Variants in PCDH15 observed in about 807,000 individuals in gnomAD.
PCDH15 encodes the protein protocadherin related 15.
A neutral mutation model predicts 178.5 loss-of-function variants in PCDH15; 129 were observed. The ratio of observed to expected loss-of-function variants is 0.72; its 90% confidence interval spans 0.63 to 0.84. PCDH15 has a LOEUF of 0.84. PCDH15 is among the 40% of genes least tolerant of loss of function. PCDH15 has a pLI of 0.00. For missense variants in PCDH15, 2,230 were observed against 2,099.9 expected, an observed-to-expected ratio of 1.06 and a Z score of -1.21; for synonymous variants, 800 against 732.0, an observed-to-expected ratio of 1.09 and a Z score of -1.50.
chr10:55,057,736 T>C (rs11004712), intron 2 of PCDH15, among the ~76,000 whole-genome samples: 9,365 of 152,300 alleles, frequency 0.061, 402 homozygotes, highest in African/African-American at 0.11. Flanking sequence ...CTTTACTTTA[T>C]ATTTCTCCTT....
intron 13 of PCDH15, among the ~76,000 whole-genome samples, chr10:54,171,923 C>T (rs1200126003): frequency 4.0e-5 from 6 of 150,514 alleles, no homozygotes; most frequent in Non-Finnish European, 7.4e-5. Flanking sequence ...CCCACGCCGC[C>T]CCTAATCCTG....
intron 25 of PCDH15, among the ~76,000 whole-genome samples, chr10:53,924,461 C>T (rs1001510934): frequency 5.3e-5 from 8 of 152,126 alleles, no homozygotes; most frequent in African/African-American, 1.4e-4. Context: ...CTGGAGTGTC[C>T]CCCCGCCGTG....
At chr10:53,931,265 CA>C (rs1424126276) in intron 25 of PCDH15, among the ~76,000 whole-genome samples, 3 of 152,142 alleles carry the variant, frequency 2.0e-5, no homozygotes, top group Non-Finnish European at 2.9e-5. Context: ...GGCTGCAAAT[CA>C]GGGGTGGTGA....
At chr10:54,062,227 CA>C (rs72361686) in intron 18 of PCDH15, among the ~76,000 whole-genome samples, 629 of 53,820 alleles carry the variant, frequency 0.012, 15 homozygotes, top group African/African-American at 0.056. Context: ...GATTCTGTCT[CA>C]AAAAAAAAAA....
At chr10:54,217,435 G>C (rs1413335048) in intron 9 of PCDH15, among the ~76,000 whole-genome samples, 1 of 152,100 alleles carries the variant, frequency 6.6e-6, no homozygotes, top group Non-Finnish European at 1.5e-5. Context: ...GTGATTCCAA[G>C]ATAGTTATAG....
At chr10:54,810,070 A>G (rs1254712496) in intron 3 of PCDH15, among the ~76,000 whole-genome samples, 1 of 152,122 alleles carries the variant, frequency 6.6e-6, no homozygotes, top group Admixed American at 6.6e-5. Context: ...ATGTTTCTCA[A>G]TGTGTGCTTT....
chr10:54,410,693 A>C (rs574991654), intron 3 of PCDH15, among the ~76,000 whole-genome samples: 7 of 152,270 alleles, frequency 4.6e-5, no homozygotes, highest in African/African-American at 1.7e-4. Flanking sequence ...GGAAAATGGA[A>C]ACAGGAGGCC....
intron 2 of PCDH15, among the ~76,000 whole-genome samples, chr10:55,338,620 T>G (rs1016698878): frequency 1.3e-5 from 2 of 151,886 alleles, no homozygotes; most frequent in African/African-American, 2.4e-5. Context: ...ATATAAAAAC[T>G]AGCTGAGAGT....
chr10:55,422,363 T>C (rs1179895747), intron 2 of PCDH15, among the ~76,000 whole-genome samples: 1 of 151,830 alleles, frequency 6.6e-6, no homozygotes, highest in African/African-American at 2.4e-5. Context: ...GAGTTGTGCA[T>C]GAGAAACCAT....
rs528590333 is a variant in PCDH15, at chr10:54,327,979, T to C, written c.705+1617A>G. 5.3e-5 allele frequency among the ~76,000 whole-genome samples: 8 copies of C among 152,188 alleles called. No individual in the cohort carries two copies. In the South Asian group the frequency reaches 1.7e-3, roughly 32 times the overall value. ...TTGATGAATCTACATTGAACAATGA[T>C]AATCACCAAAGTTCATCCTTTACAT... is the stretch of plus-strand genomic sequence containing the variant. On this transcript the variant is annotated intron_variant, in intron 7 of 37. Transcript: ENST00000644397.
chr10:54,605,859 C>G (rs1042775086), intron 2 of PCDH15: 3 of 152,022 alleles, frequency 2.0e-5, no homozygotes, highest in Non-Finnish European at 4.4e-5. Flanking sequence ...CTCATAGACA[C>G]GTCAGTTGAA....
At position 53,885,202 on chromosome 10, in the gene PCDH15, T is replaced by C. The variant is rs1489994492; in HGVS notation, c.3501+18041A>G. Reference sequence around the variant, plus strand: ...TTTCCCAGGCTGGGCTTATTTTTTATATAGATTGTGCCCCCTCCTTCTAAA... The same window carrying C: ...TTTCCCAGGCTGGGCTTATTTTTTACATAGATTGTGCCCCCTCCTTCTAAA... On this transcript the variant is annotated intron_variant, in intron 26 of 37. Transcript: ENST00000644397. 2.0e-5 allele frequency among the ~76,000 whole-genome samples: 3 copies of C among 152,108 alleles called. No individual in the cohort carries two copies. In the South Asian group the frequency reaches 6.2e-4, roughly 31 times the overall value.
At chr10:53,918,372 C>G (rs1278664025) in intron 25 of PCDH15, among the ~76,000 whole-genome samples, 1 of 152,196 alleles carries the variant, frequency 6.6e-6, no homozygotes, top group Non-Finnish European at 1.5e-5. Flanking sequence ...TGGTTAAATT[C>G]ATGCCCAGGT....
chr10:55,383,786 C>T (rs146361161), intron 2 of PCDH15, among the ~76,000 whole-genome samples: 69 of 152,214 alleles, frequency 4.5e-4, no homozygotes, highest in African/African-American at 1.5e-3. Context: ...AGAGTCCAAG[C>T]CATTCCCTCT....
intron 3 of PCDH15, among the ~76,000 whole-genome samples, chr10:54,504,208 T>C (rs2080971797): frequency 6.6e-6 from 1 of 152,132 alleles, no homozygotes; most frequent in Non-Finnish European, 1.5e-5. Context: ...AAACACATGC[T>C]CCAGCAAGTG....
Position 54,731,541 on chromosome 10 carries a change from G to GATATATAT in PCDH15, c.-28-67252_-28-67251insATATATAT, listed in dbSNP as rs1227921777. On this transcript the variant is annotated intron_variant, in intron 1 of 37. Transcript: ENST00000644397. ...CCATCAATGAATAAAGAAAATGTGA[G>GATATATAT]ATAGATATATATATATATATATACA... Among the ~76,000 whole-genome samples, 125 of 68,336 alleles carry GATATATAT rather than the reference G, an allele frequency of 1.8e-3. 12 individuals carry two copies. The highest frequency in any genetic ancestry group is 2.8e-3 in the South Asian group (5 of 1,792). The allele number at this position is 68,336 out of a possible 152,430, so 44.8% of individuals were successfully genotyped here.
chr10:54,332,213 TTTAA>T (rs1939764960), intron 6 of PCDH15, among the ~76,000 whole-genome samples: 1 of 125,022 alleles, frequency 8.0e-6, no homozygotes, highest in Non-Finnish European at 1.7e-5. Flanking sequence ...TTAAATCATC[TTTAA>T]TTTAGTTTTT....
intron 1 of PCDH15, among the ~76,000 whole-genome samples, chr10:55,272,846 C>T (rs1212238356): frequency 1.3e-5 from 2 of 151,952 alleles, no homozygotes; most frequent in Non-Finnish European, 2.9e-5. Context: ...CTCCCCCCAG[C>T]CTGTCTAATG....
chr10:54,102,262 CCACA>C (rs2094826679), intron 15 of PCDH15, among the ~76,000 whole-genome samples: 1 of 152,194 alleles, frequency 6.6e-6, no homozygotes, highest in Non-Finnish European at 1.5e-5. Context: ...TGAAGGCAGG[CCACA>C]CAATTTCTTA....
Sources: allele counts gnomAD v4.1 joint callset (sites outside exome capture counted in the v4.1 genomes callset), GRCh38; gene constraint gnomAD v4.1.1; transcripts MANE v1.5; gene names NCBI Gene and HGNC (gene_info 2026-07-23, HGNC 2026-07-21).